The following NKAIN3 variants were observed in gnomAD, a reference collection of about 807,000 sequenced individuals.
The protein encoded by NKAIN3 is sodium/potassium-transporting ATPase subunit beta-1-interacting protein 3.
NKAIN3 carries 25 observed loss-of-function variants against 30.2 expected under a neutral mutation model. The ratio of observed to expected loss-of-function variants is 0.83; its 90% CI spans 0.60 to 1.16. The LOEUF (loss-of-function observed/expected upper bound fraction) is 1.16, where lower values mean the gene tolerates loss of function less well. NKAIN3 is among the 50% of genes most tolerant of loss of function. The probability of loss-of-function intolerance (pLI) is 0.00; values close to 1 mark genes in which losing one functional copy is unlikely to be tolerated. For missense variants in NKAIN3, 225 were observed against 254.1 expected (o/e 0.89, Z 0.78); for synonymous variants, 91 against 89.6 (o/e 1.02, Z -0.09).
intron 1 of NKAIN3, among the ~76,000 whole-genome samples, chr8:62,292,450 G>A (rs1040097201): frequency 8.5e-5 from 13 of 152,110 alleles, no homozygotes; most frequent in Non-Finnish European, 1.5e-4. Flanking sequence ...AAATCTCTCA[G>A]CTTTTGTTTG....
At chr8:62,964,811 T>TA (rs1563648138) in intron 6 of NKAIN3, among the ~76,000 whole-genome samples, 8 of 143,360 alleles carry the variant, frequency 5.6e-5, no homozygotes, top group African/African-American at 2.1e-4. Context: ...AATAAAAAAT[T>TA]TAAAAAAAAA....
At chr8:62,404,300 A>G (rs1249439101) in intron 1 of NKAIN3, among the ~76,000 whole-genome samples, 1 of 152,166 alleles carries the variant, frequency 6.6e-6, no homozygotes, top group African/African-American at 2.4e-5. Context: ...TTGGAAGGGC[A>G]TGATTGTGTT....
chr8:62,935,474 T>A (rs1260639669), intron 5 of NKAIN3, among the ~76,000 whole-genome samples: 1 of 152,108 alleles, frequency 6.6e-6, no homozygotes, highest in East Asian at 1.9e-4. Context: ...ATGAGTAAAC[T>A]ACAATTTTTT....
chr8:62,616,140 T>G (rs1267847757), intron 3 of NKAIN3, among the ~76,000 whole-genome samples: 3 of 151,962 alleles, frequency 2.0e-5, no homozygotes, highest in Non-Finnish European at 2.9e-5. Flanking sequence ...ATTTTGTGGG[T>G]TTTTGCTTTT....
intron 1 of NKAIN3, among the ~76,000 whole-genome samples, chr8:62,337,226 A>G (rs1448265272): frequency 2.0e-5 from 3 of 152,080 alleles, no homozygotes; most frequent in African/African-American, 4.8e-5. Context: ...TCACTGGTCA[A>G]TGCAATCATA....
At position 62,829,771 on chromosome 8, in the gene NKAIN3, T is replaced by G. The variant is rs192441420; in HGVS notation, c.471+82642T>G. Among the ~76,000 whole-genome samples the G allele has an allele frequency of 2.3e-3, 268 of 114,252 alleles. 1 individual carries two copies. In the Middle Eastern group the frequency reaches 0.03, roughly 13 times the overall value. 75.0% of individuals were successfully genotyped at this position (114,252 alleles called of 152,430 possible). On this transcript the variant is annotated intron_variant, in intron 4 of 6. Transcript: ENST00000623646. ...AGATAGATAGATAGATAGATAGATC[T>G]ATTTAAAAGGAAAGCCATTTAAAAG...
At chr8:62,935,882 G>A (rs1381301843) in intron 5 of NKAIN3, among the ~76,000 whole-genome samples, 1 of 152,000 alleles carries the variant, frequency 6.6e-6, no homozygotes, top group African/African-American at 2.4e-5. Flanking sequence ...TAGAAAAACA[G>A]AATTTCAGAA....
intron 4 of NKAIN3, among the ~76,000 whole-genome samples, chr8:62,869,110 A>G (rs1402469459): frequency 6.6e-6 from 1 of 152,232 alleles, no homozygotes; most frequent in Admixed American, 6.5e-5. Context: ...TGCTGTGGAA[A>G]AGAAATGGTG....
At chr8:62,750,746 C>T (rs16929516) in intron 4 of NKAIN3, among the ~76,000 whole-genome samples, 26,532 of 151,974 alleles carry the variant, frequency 0.17, 2,512 homozygotes, top group East Asian at 0.29. Flanking sequence ...AAAATCAGCG[C>T]GGAATCCATA....
chr8:62,293,520 T>TA, intron 1 of NKAIN3, among the ~76,000 whole-genome samples: 1 of 152,336 alleles, frequency 6.6e-6, no homozygotes, highest in Non-Finnish European at 1.5e-5. Context: ...CCTGTTTGCC[T>TA]GGGTATCACC....
chr8:62,855,710 T>C, intron 4 of NKAIN3: 3 of 1,575,122 alleles, frequency 1.9e-6, no homozygotes, highest in Non-Finnish European at 2.6e-6. Flanking sequence ...GAAGCGGAGC[T>C]TCTGAACGAT....
chr8:62,822,894 G>A (rs1818893741), intron 4 of NKAIN3, among the ~76,000 whole-genome samples: 2 of 152,182 alleles, frequency 1.3e-5, no homozygotes, highest in African/African-American at 4.8e-5. Flanking sequence ...ATATGGCATA[G>A]CCTATTGTTC....
chr8:62,911,597 G>A (rs190153327), intron 4 of NKAIN3, among the ~76,000 whole-genome samples: 2 of 152,122 alleles, frequency 1.3e-5, no homozygotes, highest in Admixed American at 1.3e-4. Flanking sequence ...TTTAGTCACA[G>A]TTTATAGGAA....
intron 2 of NKAIN3, among the ~76,000 whole-genome samples, chr8:62,582,389 A>G (rs985258047): frequency 1.3e-5 from 2 of 152,082 alleles, no homozygotes; most frequent in African/African-American, 4.8e-5. Context: ...TTATCAAACA[A>G]TTGTCCACAT....
At chr8:62,877,048 C>T (rs1377912994) in intron 4 of NKAIN3, among the ~76,000 whole-genome samples, 1 of 151,108 alleles carries the variant, frequency 6.6e-6, no homozygotes, top group Non-Finnish European at 1.5e-5. Context: ...TTGAAGGGGT[C>T]AATTAGGAAG....
At chr8:62,417,668 C>T (rs770510717) in intron 1 of NKAIN3, among the ~76,000 whole-genome samples, 8 of 152,142 alleles carry the variant, frequency 5.3e-5, no homozygotes, top group Non-Finnish European at 1.2e-4. Context: ...GCCATTTTAA[C>T]TGGGGAGAGA....
At chr8:62,283,001 T>A (rs1231935057) in intron 1 of NKAIN3, among the ~76,000 whole-genome samples, 1 of 152,188 alleles carries the variant, frequency 6.6e-6, no homozygotes, top group Non-Finnish European at 1.5e-5. Flanking sequence ...CCGTGTTGAG[T>A]TCTGAACTCA....
At chr8:62,924,807 T>G (rs1213113477) in intron 5 of NKAIN3, among the ~76,000 whole-genome samples, 2 of 152,186 alleles carry the variant, frequency 1.3e-5, no homozygotes, top group African/African-American at 4.8e-5. Context: ...GCAGACTTGG[T>G]GTCTGGTGAG....
At chr8:62,459,926 T>A (rs1805937092) in intron 1 of NKAIN3, among the ~76,000 whole-genome samples, 1 of 152,114 alleles carries the variant, frequency 6.6e-6, no homozygotes, top group Admixed American at 6.5e-5. Context: ...GAGAAGTCAT[T>A]GAAGGATTGT....
Sources: gnomAD v4.1 joint callset for allele counts (sites outside exome capture counted in the v4.1 genomes callset) on GRCh38, gnomAD v4.1.1 for gene constraint, MANE v1.5 for transcripts, NCBI Gene and HGNC (gene_info 2026-07-23, HGNC 2026-07-21) for gene names.